Variants in PCDHGA3 observed in about 807,000 individuals in gnomAD.
The protein encoded by PCDHGA3 is protocadherin gamma subfamily A, 3.
PCDHGA3 carries 40 observed loss-of-function variants against 58.5 expected under a neutral mutation model. That is an observed-to-expected ratio of 0.68 (90% CI 0.53 to 0.89). PCDHGA3 has a LOEUF of 0.89. Ranked by LOEUF, PCDHGA3 falls within the 40% of genes least tolerant of loss-of-function variation. The pLI is 0.00. For missense variants in PCDHGA3, 1,223 were observed against 1,195.9 expected, an observed-to-expected ratio of 1.02 and a Z score of -0.33; for synonymous variants, 530 against 525.7, an observed-to-expected ratio of 1.01 and a Z score of -0.11.
At chr5:141,385,328 G>A (rs767891948) in intron 1 of PCDHGA3, 13 of 1,588,314 alleles carry the variant, frequency 8.2e-6, no homozygotes, top group Middle Eastern at 1.7e-4. Flanking sequence ...ATTCAGGTGA[G>A]CCCAGCCCTT....
Position 141,511,039 on chromosome 5 carries a change from C to T in PCDHGA3, c.2665C>T (p.Pro889Ser). 1 of 1,614,196 alleles carries T rather than the reference C, an allele frequency of 6.2e-7. No homozygotes were observed. ...YGPQFTLQHV[P>S]DYRQNVYIPG... ...ACCCCAGTTCACCCTGCAGCACGTGCCCGACTACCGCCAGAATGTCTACAT... is the reference window on the plus strand; with the variant it reads ...ACCCCAGTTCACCCTGCAGCACGTGTCCGACTACCGCCAGAATGTCTACAT... The change falls in exon 4 of 4, where the codon CCC (proline) becomes TCC (serine). Residue 889 changes from proline (P) to serine (S), a missense_variant. Physicochemically the swap from Pro to Ser is moderately conservative, Grantham distance 74. Around this residue, in one of 3 missense-constraint regions of PCDHGA3, gnomAD observed 325 missense variants for 327.5 expected, o/e 0.99. Coordinates refer to ENST00000253812, the MANE Select transcript of PCDHGA3 (RefSeq NM_018916.4).
chr5:141,490,869 A>G lies in PCDHGA3; in HGVS notation c.2425-3938A>G, dbSNP rs764138126. ...GGGTTCGAGACTCCGGCTCTCCCCCATTGCATGCCAACACATCTCTGCATG... is the reference window on the plus strand; with the variant it reads ...GGGTTCGAGACTCCGGCTCTCCCCCGTTGCATGCCAACACATCTCTGCATG... On this transcript the variant is annotated intron_variant, in intron 1 of 3. Transcript: ENST00000253812. This position sits in a 1 kb window ranked among gnomAD's most constrained non-coding sequence, Gnocchi z 5.4. 4.3e-6 allele frequency: 7 copies of G among 1,613,784 alleles called. No homozygotes were observed. The highest frequency in any genetic ancestry group is 1.7e-5 in the Admixed American group (1 of 60,004).
chr5:141,357,403 G>A (rs1760584146), intron 1 of PCDHGA3: 2 of 1,614,252 alleles, frequency 1.2e-6, no homozygotes, highest in Non-Finnish European at 1.7e-6. Context: ...GTTGGCAGGT[G>A]TGCCTGCCTC....
Position 141,490,503 on chromosome 5 carries a change from C to A in PCDHGA3, c.2425-4304C>A, listed in dbSNP as rs2099701103. On this transcript the variant is annotated intron_variant, in intron 1 of 3. Coordinates refer to ENST00000253812, the MANE Select transcript of PCDHGA3 (RefSeq NM_018916.4). The surrounding 1 kb of genome is among the most constrained non-coding windows in gnomAD (Gnocchi z 5.4). ...ACCGGGAGGCCACATCCCACTATAT[C>A]ATCGAGCTGCTGGCCAGCGATGCTG... 3.7e-6 allele frequency: 6 copies of A among 1,614,206 alleles called. No individual in the cohort carries two copies. In the African/African-American group the frequency reaches 8.0e-5, roughly 22 times the overall value.
chr5:141,474,900 T>C (rs577411783), intron 1 of PCDHGA3, among the ~76,000 whole-genome samples: 2 of 152,368 alleles, frequency 1.3e-5, no homozygotes, highest in South Asian at 2.1e-4. Flanking sequence ...TCATTTCTTG[T>C]TCAAGGATAT....
chr5:141,430,578 C>A (rs1561846151), intron 1 of PCDHGA3: 8 of 470,816 alleles, frequency 1.7e-5, no homozygotes, highest in East Asian at 1.0e-4. Flanking sequence ...AGCGGAGATC[C>A]TGCTCGCCTT....
intron 1 of PCDHGA3, chr5:141,404,780 AAGGCCAGTGAGCC>A: frequency 6.2e-7 from 1 of 1,612,764 alleles, no homozygotes; most frequent in Non-Finnish European, 8.5e-7. Context: ...CCGCCTATTC[AAGGCCAGTGAGCC>A]AGGGCTCTTC....
intron 1 of PCDHGA3, among the ~76,000 whole-genome samples, chr5:141,462,745 TATG>T (rs1249238113): frequency 6.6e-6 from 1 of 152,262 alleles, no homozygotes; most frequent in Non-Finnish European, 1.5e-5. Flanking sequence ...CTGTAATTCC[TATG>T]ATGATTTTCT....
chr5:141,421,082 C>A, intron 1 of PCDHGA3: 1 of 640,114 alleles, frequency 1.6e-6, no homozygotes, highest in Non-Finnish European at 2.6e-6. Flanking sequence ...TGGATACTCA[C>A]AGATCCTGAC....
intron 1 of PCDHGA3, chr5:141,420,199 C>G (rs764130526): frequency 6.2e-7 from 1 of 1,613,362 alleles, no homozygotes; most frequent in Non-Finnish European, 8.5e-7. Flanking sequence ...CACAAGATAA[C>G]CTCAACAAAG....
At chr5:141,449,016 C>T (rs2098623330) in intron 1 of PCDHGA3, among the ~76,000 whole-genome samples, 1 of 152,008 alleles carries the variant, frequency 6.6e-6, no homozygotes, top group African/African-American at 2.4e-5. Context: ...TTAACAGTTG[C>T]TTAGCATTCC....
At chr5:141,450,355 C>T (rs943649682) in intron 1 of PCDHGA3, among the ~76,000 whole-genome samples, 2 of 152,090 alleles carry the variant, frequency 1.3e-5, no homozygotes, top group Non-Finnish European at 2.9e-5. Context: ...TGAAACAGTT[C>T]CTCAGCCTTG....
At chr5:141,403,748 G>A in intron 1 of PCDHGA3, 1 of 1,613,956 alleles carries the variant, frequency 6.2e-7, no homozygotes, top group East Asian at 2.2e-5. Context: ...TACTGCAACA[G>A]CCAGCGACCT....
Position 141,348,708 on chromosome 5 carries a change from A to G in PCDHGA3, c.2424+2251A>G, listed in dbSNP as rs1758166279. Among the ~76,000 whole-genome samples, 6 of 152,308 alleles carry G rather than the reference A, an allele frequency of 3.9e-5. No homozygotes were observed. The South Asian group carries it at 1.2e-3, about 32-fold the overall frequency. On this transcript the variant is annotated intron_variant, in intron 1 of 3. Coordinates refer to ENST00000253812, the MANE Select transcript of PCDHGA3 (RefSeq NM_018916.4). Reference sequence around the variant, plus strand: ...TTTTTTGAAGAATGGGCAAGAATCCACTACAACAGAAAGGGAGGAGAAGTT... The same window carrying G: ...TTTTTTGAAGAATGGGCAAGAATCCGCTACAACAGAAAGGGAGGAGAAGTT...
chr5:141,455,593 C>T (rs957677108), intron 1 of PCDHGA3, among the ~76,000 whole-genome samples: 4 of 152,070 alleles, frequency 2.6e-5, no homozygotes, highest in Non-Finnish European at 5.9e-5. Flanking sequence ...AATATGCAAA[C>T]GTAGGGCGCC....
At chr5:141,480,511 A>G (rs2099520888) in intron 1 of PCDHGA3, among the ~76,000 whole-genome samples, 1 of 127,378 alleles carries the variant, frequency 7.9e-6, no homozygotes, top group African/African-American at 3.6e-5. Context: ...ATATGAGAAC[A>G]ACCAAAAATG....
At chr5:141,480,285 T>C (rs1369369395) in intron 1 of PCDHGA3, among the ~76,000 whole-genome samples, 1 of 151,924 alleles carries the variant, frequency 6.6e-6, no homozygotes, top group East Asian at 1.9e-4. Flanking sequence ...TGTGTTGGCA[T>C]GCACCTGTGG....
At chr5:141,360,870 C>G in intron 1 of PCDHGA3, 2 of 1,613,990 alleles carry the variant, frequency 1.2e-6, no homozygotes, top group Admixed American at 1.7e-5. Flanking sequence ...TCAGCCAGGA[C>G]GTGTACAGGG....
At chr5:141,460,724 A>C (rs1294708205) in intron 1 of PCDHGA3, among the ~76,000 whole-genome samples, 1 of 152,114 alleles carries the variant, frequency 6.6e-6, no homozygotes, top group African/African-American at 2.4e-5. Context: ...TGTTATAAGC[A>C]TATATACACA....
Sources: gnomAD v4.1 joint callset for allele counts (sites outside exome capture counted in the v4.1 genomes callset) on GRCh38, gnomAD v4.1.1 for gene constraint, gnomAD v4.1.1 regional missense constraint, Gnocchi (gnomAD v3.1) non-coding constraint, MANE v1.5 for transcripts, NCBI Gene and HGNC (gene_info 2026-07-23, HGNC 2026-07-21) for gene names.